Variants in SUSD1 observed in about 807,000 individuals in gnomAD.
The protein encoded by SUSD1 is sushi domain containing 1, also known as sushi domain-containing protein 1.
In SUSD1, 65 loss-of-function variants were observed where a neutral mutation model predicts 86.9. The observed-to-expected ratio is 0.75, with a 90% CI of 0.61 to 0.92. SUSD1 has a LOEUF of 0.92. Ranked by LOEUF, SUSD1 falls within the 40% of genes least tolerant of loss-of-function variation. The pLI is 0.00. For synonymous variants in SUSD1, 346 were observed against 350.0 expected, an observed-to-expected ratio of 0.99 and a Z score of 0.13; for missense variants, 850 against 929.7, an observed-to-expected ratio of 0.91 and a Z score of 1.11.
At position 112,058,663 on chromosome 9, in the gene SUSD1, G is replaced by A. The variant is rs747837160; in HGVS notation, c.1874C>T (p.Pro625Leu). 4 of 1,614,138 alleles carry A rather than the reference G, an allele frequency of 2.5e-6. No individual in the cohort carries two copies. The highest frequency in any genetic ancestry group is 3.3e-5 in the Admixed American group (2 of 60,026). The change falls in exon 14 of 17, where the codon CCC becomes CTC. Residue 625 changes from proline to leucine, a missense_variant. Physicochemically the swap from Pro to Leu is moderately conservative, Grantham distance 98. Transcript: ENST00000374270. ...AGAAAATGTGCTTTGGAGGGCCAGG[G>A]GAAGCACTAACACCTGATATGAACT... ...PISSYQVLVL[P>L]LALQSTFSCD...
chr9:112,161,324 G>A (rs1244703058), intron 1 of SUSD1, among the ~76,000 whole-genome samples: 1 of 150,796 alleles, frequency 6.6e-6, no homozygotes, highest in African/African-American at 2.4e-5. Flanking sequence ...AGGTTGCAGT[G>A]AGCCAAGATA....
chr9:112,063,116 C>A (rs1828809170), intron 12 of SUSD1, 83 bp from the exon 13 acceptor site: 1 of 818,614 alleles, frequency 1.2e-6, no homozygotes, highest in South Asian at 1.5e-5. Context: ...TGAGGGCTAT[C>A]AAAAAGAAAG....
At chr9:112,149,066 T>C (rs1010516206) in intron 3 of SUSD1, among the ~76,000 whole-genome samples, 178 bp downstream of exon 3, 5 of 152,126 alleles carry the variant, frequency 3.3e-5, no homozygotes, top group African/African-American at 1.2e-4. Flanking sequence ...TACATCATCA[T>C]AACACCCCTA....
At chr9:112,109,277 T>C (rs1394407786) in intron 8 of SUSD1, among the ~76,000 whole-genome samples, 3 of 152,180 alleles carry the variant, frequency 2.0e-5, no homozygotes, top group Non-Finnish European at 2.9e-5. Context: ...TCAAACATGA[T>C]ATAAAGTATT....
intron 15 of SUSD1, among the ~76,000 whole-genome samples, chr9:112,042,395 A>G (rs1564238006): frequency 6.6e-6 from 1 of 152,182 alleles, no homozygotes; most frequent in Non-Finnish European, 1.5e-5. Context: ...GGTCAGATAG[A>G]GCAAAGGAAT....
At chr9:112,144,628 CA>C (rs1241827363) in intron 3 of SUSD1, among the ~76,000 whole-genome samples, 2 of 152,040 alleles carry the variant, frequency 1.3e-5, no homozygotes, top group Non-Finnish European at 2.9e-5. Flanking sequence ...AAAATATAAA[CA>C]ACATTTTTAA....
At position 112,174,531 on chromosome 9, in the gene SUSD1, C is replaced by T. The variant is rs553314791; in HGVS notation, c.103+602G>A. ...TAAATCCTCCAGACAATGAGCTCCA[C>T]GAGGGCCCGCACTGCCCGCCCTCAT... On this transcript the variant is annotated intron_variant, in intron 1 of 16. Transcript: ENST00000374270. 2.0e-5 allele frequency among the ~76,000 whole-genome samples: 3 copies of T among 152,332 alleles called. No individual in the cohort carries two copies. The East Asian group carries it at 5.8e-4, about 29-fold the overall frequency.
chr9:112,130,223 A>T (rs139396103), intron 5 of SUSD1, among the ~76,000 whole-genome samples: 130 of 152,174 alleles, frequency 8.5e-4, no homozygotes, highest in African/African-American at 3.0e-3. Flanking sequence ...AAATACAAAA[A>T]TCAGTCAGGT....
At chr9:112,151,512 G>A (rs1301057523) in intron 2 of SUSD1, among the ~76,000 whole-genome samples, 1 of 151,684 alleles carries the variant, frequency 6.6e-6, no homozygotes, top group Non-Finnish European at 1.5e-5. Flanking sequence ...CAGGAGAATT[G>A]CTTGAACCCG....
At chr9:112,058,391 A>C in intron 14 of SUSD1, 37 bp downstream of exon 14, 4 of 1,594,342 alleles carry the variant, frequency 2.5e-6, no homozygotes, top group Non-Finnish European at 3.4e-6. Flanking sequence ...ACGAAGAAGA[A>C]AATACAGAGT....
chr9:112,056,636 A>G (rs1828462041), intron 14 of SUSD1, among the ~76,000 whole-genome samples: 1 of 152,166 alleles, frequency 6.6e-6, no homozygotes, highest in Admixed American at 6.5e-5. Context: ...GAATAACCAC[A>G]TATTCTTCTG....
In SUSD1 at chr9:112,080,099, G is replaced by A; in HGVS notation, c.1541C>T (p.Thr514Ile). ...ETCLRWRSIK[T>I]ADMEEMYLFH... is the part of the protein sequence containing the mutation. The stretch of plus-strand genomic sequence containing the variant: ...TAAATACATCTCCTCCATATCAGCT[G>A]TCTTGATGCTTCTCCATCTCAAGCA... Residue 514 changes from threonine (T) to isoleucine (I), a missense_variant, in exon 11 of 17, where the codon ACA (threonine) becomes ATA (isoleucine). Physicochemically the swap from Thr to Ile is moderately conservative, Grantham distance 89. Transcript: ENST00000374270. 6.2e-7 allele frequency: 1 copy of A among 1,613,212 alleles called. No individual in the cohort carries two copies.
chr9:112,095,985 A>G (rs1830380376), intron 10 of SUSD1, among the ~76,000 whole-genome samples: 1 of 152,156 alleles, frequency 6.6e-6, no homozygotes, highest in South Asian at 2.1e-4. Context: ...CACCACTGCA[A>G]ATGTCTAAAA....
chr9:112,128,713 C>T (rs1206359257), intron 5 of SUSD1, among the ~76,000 whole-genome samples: 1 of 152,024 alleles, frequency 6.6e-6, no homozygotes, highest in Non-Finnish European at 1.5e-5. Flanking sequence ...TACATTAAGA[C>T]CTGAAGGATG....
chr9:112,152,435 T>C (rs920274607), intron 2 of SUSD1, among the ~76,000 whole-genome samples: 4 of 151,814 alleles, frequency 2.6e-5, no homozygotes, highest in African/African-American at 9.7e-5. Flanking sequence ...AGGGTCTTGC[T>C]CTGTCACCCT....
chr9:112,102,785 C>A (rs914305450), intron 8 of SUSD1, among the ~76,000 whole-genome samples: 2 of 152,086 alleles, frequency 1.3e-5, no homozygotes, highest in Non-Finnish European at 2.9e-5. Flanking sequence ...AAGTAGATGA[C>A]CAAGCAAGAG....
intron 2 of SUSD1, among the ~76,000 whole-genome samples, chr9:112,153,339 T>C (rs1399301948): frequency 6.6e-6 from 1 of 151,948 alleles, no homozygotes; most frequent in Non-Finnish European, 1.5e-5. Context: ...GGCCTACACA[T>C]GGTCAGGATC....
chr9:112,112,108 A>G (rs1589672194), intron 7 of SUSD1: 1 of 328,334 alleles, frequency 3.0e-6, no homozygotes, highest in Non-Finnish European at 5.6e-6. Flanking sequence ...CCTGAGGACC[A>G]TTGGCTGCAC....
Position 112,084,930 on chromosome 9 carries a change from C to T in SUSD1, c.1475-4765G>A, listed in dbSNP as rs139995952. On this transcript the variant is annotated intron_variant, in intron 10 of 16. Coordinates refer to ENST00000374270, the MANE Select transcript of SUSD1 (RefSeq NM_022486.5). ...TTTCTGCTTCATTTGTATGGGCAAG[C>T]GACTCTTGGCAAAATCAATCACTAT... is the stretch of plus-strand genomic sequence containing the variant. Among the ~76,000 whole-genome samples, 382 of 152,236 alleles carry T rather than the reference C, an allele frequency of 2.5e-3. 8 individuals carry two copies. Among genetic ancestry groups the T allele is most frequent in the Non-Finnish European group, 9.0e-4 (61 of 68,016 alleles).
Sources: allele counts gnomAD v4.1 joint callset (sites outside exome capture counted in the v4.1 genomes callset), GRCh38; gene constraint gnomAD v4.1.1; transcripts MANE v1.5; gene names NCBI Gene and HGNC (gene_info 2026-07-23, HGNC 2026-07-21).